Variants in GGA2 observed in about 807,000 individuals in gnomAD.
GGA2 encodes the protein golgi associated, gamma adaptin ear containing, ARF binding protein 2.
GGA2 carries 48 observed loss-of-function variants against 79.5 expected under a neutral mutation model. The ratio of observed to expected loss-of-function variants is 0.60; its 90% CI spans 0.48 to 0.77. The LOEUF (loss-of-function observed/expected upper bound fraction) is 0.77. Ranked by LOEUF, GGA2 falls within the 30% of genes least tolerant of loss-of-function variation. The pLI, the probability that GGA2 is intolerant of heterozygous loss-of-function variation, is 0.00. For missense variants in GGA2, 770 were observed against 774.0 expected, an observed-to-expected ratio of 0.99 and a Z score of 0.06; for synonymous variants, 317 against 302.0, an observed-to-expected ratio of 1.05 and a Z score of -0.51.
chr16:23,491,651 A>G, intron 5 of GGA2, 26 bp downstream of exon 5: 5 of 1,610,632 alleles, frequency 3.1e-6, no homozygotes, highest in Non-Finnish European at 3.4e-6. Flanking sequence ...TCAAGAGGAA[A>G]TAAGACACAG....
rs1247994178 is a variant in GGA2 at position 23,465,539 on chromosome 16, TTATG to T, written c.*2047_*2050del. The T allele has an allele frequency of 4.7e-6, 3 of 641,138 alleles. No homozygotes were observed. Among genetic ancestry groups the T allele is most frequent in the Admixed American group, 2.4e-5 (1 of 40,964 alleles). 39.7% of individuals were successfully genotyped at this position (641,138 alleles called of 1,614,324 possible). A position where few individuals can be genotyped will look rare whatever the true frequency, so the allele number is the denominator to read the frequency against. The stretch of plus-strand genomic sequence containing the variant: ...TAACTATAGGGGAGAAAGCCTGTCT[TTATG>T]TATAAGTCTCATTCACCCATTTTGA... On this transcript the variant is annotated 3_prime_UTR_variant, in exon 17 of 17. Transcript: ENST00000309859.
rs1381899177 is a variant in GGA2, at chr16:23,478,362, A to T, written c.1292+6T>A. 1.3e-6 allele frequency: 2 copies of T among 1,569,858 alleles called. No homozygotes were observed. Among genetic ancestry groups the T allele is most frequent in the Non-Finnish European group, 1.7e-6 (2 of 1,156,750 alleles). ...CTCTCCCACTCCCCTTGCCCAGAAG[A>T]CTCACAGAGGGCACGGAGCTGGCTG... On this transcript the variant is annotated splice_donor_region_variant and intron_variant, in intron 13 of 16. Transcript: ENST00000309859.
chr16:23,482,885 C>T (rs1308880526), intron 9 of GGA2, 38 bp downstream of exon 9: 1 of 1,200,844 alleles, frequency 8.3e-7, no homozygotes, highest in Non-Finnish European at 1.2e-6. Context: ...CTGTCTTGCA[C>T]CTGGGCTGCT....
chr16:23,509,745 C>CATAT (rs1486072422), intron 1 of GGA2, among the ~76,000 whole-genome samples: 2 of 148,286 alleles, frequency 1.3e-5, no homozygotes, highest in East Asian at 4.0e-4. Flanking sequence ...AAAAAACACA[C>CATAT]ATATATATAT....
chr16:23,507,447 G>A (rs1964985525), intron 1 of GGA2, among the ~76,000 whole-genome samples: 1 of 152,214 alleles, frequency 6.6e-6, no homozygotes, highest in African/African-American at 2.4e-5. Flanking sequence ...GACAAACATG[G>A]TGAAACCCTA....
rs1964437975 is a variant in GGA2, at chr16:23,466,414, A to G, written c.*1176T>C. On this transcript the variant is annotated 3_prime_UTR_variant, in exon 17 of 17. Coordinates refer to ENST00000309859, the MANE Select transcript of GGA2 (RefSeq NM_015044.4). ...TGAATTCTTCCATCAACAAATATCCACCTCTCCTGTCCAGCTTGCCTCAGA... is the reference window on the plus strand; with the variant it reads ...TGAATTCTTCCATCAACAAATATCCGCCTCTCCTGTCCAGCTTGCCTCAGA... The G allele has an allele frequency of 6.6e-6, 1 of 151,796 alleles. No individual in the cohort carries two copies. The highest frequency in any genetic ancestry group is 2.4e-5 in the African/African-American group (1 of 41,300). The allele number at this position is 151,796 out of a possible 1,614,324, so 9.4% of individuals were successfully genotyped here. A position where few individuals can be genotyped will look rare whatever the true frequency, so the allele number is the denominator to read the frequency against.
At chr16:23,472,050 G>C (rs191272591) in intron 14 of GGA2, among the ~76,000 whole-genome samples, 18 of 152,222 alleles carry the variant, frequency 1.2e-4, no homozygotes, top group Middle Eastern at 3.4e-3. Flanking sequence ...TGGTAATGCA[G>C]ATCAAAATTT....
chr16:23,473,330 CTT>C (rs34972165), intron 14 of GGA2, among the ~76,000 whole-genome samples: 4,183 of 70,366 alleles, frequency 0.059, 110 homozygotes, highest in African/African-American at 0.15. Flanking sequence ...CTTTTCTAGT[CTT>C]TTTTTTTTTT....
chr16:23,522,739 C>T (rs917620819), upstream of GGA2: 18 of 152,292 alleles, frequency 1.2e-4, no homozygotes, highest in African/African-American at 4.3e-4. Context: ...AAACAATAAA[C>T]GTTTACTATC....
rs571328640 is a variant in GGA2 at position 23,463,680 on chromosome 16, A to G, written c.*3910T>C. The G allele has an allele frequency of 6.6e-6, 1 of 152,334 alleles. No homozygotes were observed. Among genetic ancestry groups the G allele is most frequent in the South Asian group, 2.1e-4 (1 of 4,828 alleles). The allele number at this position is 152,334 out of a possible 1,614,324, so 9.4% of individuals were successfully genotyped here. ...ACATCTTGGTGCATCGCTTGGCTTT[A>G]AAACAAACTGGGGTCAGGACATGGT... is the stretch of plus-strand genomic sequence containing the variant. On this transcript the variant is annotated 3_prime_UTR_variant, in exon 17 of 17. Transcript: ENST00000309859.
chr16:23,516,097 G>A (rs903582189), intron 2 of GGA2, among the ~76,000 whole-genome samples: 1 of 151,100 alleles, frequency 6.6e-6, no homozygotes, highest in Non-Finnish European at 1.5e-5. Flanking sequence ...AGCCTCAACT[G>A]CCTGGGCTCA....
rs955908620 is a variant in GGA2 at position 23,478,304 on chromosome 16, T to C, written c.1292+64A>G. 5 of 1,356,054 alleles carry C rather than the reference T, an allele frequency of 3.7e-6. No homozygotes were observed. In the African/African-American group the frequency reaches 7.3e-5, roughly 20 times the overall value. 84.0% of individuals were successfully genotyped at this position (1,356,054 alleles called of 1,614,324 possible). On this transcript the variant is annotated intron_variant, in intron 13 of 16. Coordinates refer to ENST00000309859, the MANE Select transcript of GGA2 (RefSeq NM_015044.4). ...TTAGAGCACCATTCTCTGGCCCTTG[T>C]CCCATGAGAAGGAACCGCACTCAGG...
At chr16:23,480,102 A>C (rs769710624) in intron 10 of GGA2, 36 of 535,568 alleles carry the variant, frequency 6.7e-5, no homozygotes, top group Non-Finnish European at 1.0e-4. Context: ...TACCCCAGGG[A>C]TCATAGGCCC....
chr16:23,518,049 A>G (rs1477784401), intron 2 of GGA2, among the ~76,000 whole-genome samples: 2 of 151,924 alleles, frequency 1.3e-5, no homozygotes, highest in Non-Finnish European at 2.9e-5. Context: ...AGTAGCTGGG[A>G]TTACAGGTGC....
intron 5 of GGA2, among the ~76,000 whole-genome samples, chr16:23,488,924 CTA>C (rs1964748886): frequency 6.6e-6 from 1 of 152,168 alleles, no homozygotes; most frequent in African/African-American, 2.4e-5. Flanking sequence ...GCAGAGCCAA[CTA>C]TGTCAGAGAA....
chr16:23,471,700 A>G (rs891109869), intron 14 of GGA2, among the ~76,000 whole-genome samples: 4 of 152,084 alleles, frequency 2.6e-5, no homozygotes, highest in Non-Finnish European at 5.9e-5. Flanking sequence ...AGGAGTTCAA[A>G]ACCAGCCTGG....
At chr16:23,506,295 C>A (rs531490222) in intron 1 of GGA2, among the ~76,000 whole-genome samples, 1 of 152,114 alleles carries the variant, frequency 6.6e-6, no homozygotes, top group African/African-American at 2.4e-5. Context: ...ATTGCAGCAC[C>A]AATGGCCCAC....
chr16:23,480,459 G>T (rs1964632713), intron 10 of GGA2, 186 bp downstream of exon 10: 1 of 539,382 alleles, frequency 1.9e-6, no homozygotes, highest in African/African-American at 1.9e-5. Flanking sequence ...GTCCAGCCCG[G>T]CAACCAGCTC....
At chr16:23,475,226 G>A (rs1964562804) in intron 13 of GGA2, among the ~76,000 whole-genome samples, 165 bp from the exon 14 acceptor site, 1 of 129,442 alleles carries the variant, frequency 7.7e-6, no homozygotes. Flanking sequence ...ATCTCGCTCT[G>A]TTGCCCAGGC....
Sources: allele counts gnomAD v4.1 joint callset (sites outside exome capture counted in the v4.1 genomes callset), GRCh38; gene constraint gnomAD v4.1.1; transcripts MANE v1.5; gene names NCBI Gene and HGNC (gene_info 2026-07-23, HGNC 2026-07-21).